FRMD4B: variants seen among roughly 807,000 people sequenced by gnomAD.
The protein encoded by FRMD4B is FERM domain-containing protein 4B.
Under a neutral mutation model 141.5 loss-of-function variants are expected in FRMD4B, and 74 were observed. The ratio of observed to expected loss-of-function variants is 0.52; its 90% CI spans 0.43 to 0.63. The LOEUF is 0.63. Ranked by LOEUF, FRMD4B falls within the 30% of genes least tolerant of loss-of-function variation. FRMD4B has a pLI of 0.00. For synonymous variants in FRMD4B, 506 were observed against 467.9 expected, an observed-to-expected ratio of 1.08 and a Z score of -1.05; for missense variants, 1,366 against 1,253.4, an observed-to-expected ratio of 1.09 and a Z score of -1.36.
chr3:69,402,081 T>G (rs1176677178), intron 2 of FRMD4B, among the ~76,000 whole-genome samples: 4 of 152,244 alleles, frequency 2.6e-5, no homozygotes, highest in African/African-American at 9.6e-5. Flanking sequence ...CTATTTCTCA[T>G]GTCTGCCCAA....
chr3:69,229,936 C>T (rs918070651), intron 7 of FRMD4B, among the ~76,000 whole-genome samples: 1 of 151,830 alleles, frequency 6.6e-6, no homozygotes, highest in Non-Finnish European at 1.5e-5. Context: ...TATCTCTTGA[C>T]CTCATGATCA....
At chr3:69,456,327 C>A (rs958061729) in intron 1 of FRMD4B, among the ~76,000 whole-genome samples, 2 of 152,118 alleles carry the variant, frequency 1.3e-5, no homozygotes, top group African/African-American at 4.8e-5. Flanking sequence ...TCATGCTTAG[C>A]AAAAGACTAA....
chr3:69,541,789 T>TCCAC (rs67274406), intron 1 of FRMD4B, among the ~76,000 whole-genome samples: 1 of 148,306 alleles, frequency 6.7e-6, no homozygotes, highest in Non-Finnish European at 1.5e-5. Flanking sequence ...TCCAGGGATT[T>TCCAC]CCCCCCCCTC....
At chr3:69,449,709 G>C (rs1304801905) in intron 1 of FRMD4B, among the ~76,000 whole-genome samples, 14 of 152,012 alleles carry the variant, frequency 9.2e-5, no homozygotes, top group Non-Finnish European at 5.9e-5. Context: ...TCTTAGTCTT[G>C]TGATTTTTTT....
rs138614123 is a variant in FRMD4B, at chr3:69,462,777, T to G, written c.-128-30016A>C. On this transcript the variant is annotated intron_variant, in intron 1 of 5. Transcript: ENST00000459638. ...CTGCCACAGTCACCAACTGAGGTACTTGTGGCAGGCGATTCCTCCTGGCCT... is the reference window on the plus strand; with the variant it reads ...CTGCCACAGTCACCAACTGAGGTACGTGTGGCAGGCGATTCCTCCTGGCCT... Among the ~76,000 whole-genome samples, 472 of 152,364 alleles carry G rather than the reference T, an allele frequency of 3.1e-3. 11 individuals carry two copies. The East Asian group carries it at 0.065, about 21-fold the overall frequency.
intron 1 of FRMD4B, among the ~76,000 whole-genome samples, chr3:69,370,112 GT>G (rs199752409): frequency 6.2e-4 from 89 of 143,322 alleles, no homozygotes; most frequent in Middle Eastern, 3.6e-3. Context: ...TTTTGTTCCT[GT>G]TTTTTTTTTT....
chr3:69,529,937 C>T (rs1041600573), intron 1 of FRMD4B, among the ~76,000 whole-genome samples: 1 of 152,240 alleles, frequency 6.6e-6, no homozygotes, highest in Non-Finnish European at 1.5e-5. Flanking sequence ...CTACTTGACA[C>T]TGACACTCAA....
At chr3:69,192,112 T>A (rs2092844188) in intron 17 of FRMD4B, among the ~76,000 whole-genome samples, 1 of 152,022 alleles carries the variant, frequency 6.6e-6, no homozygotes, top group Admixed American at 6.6e-5. Context: ...AGGCTGGGCG[T>A]GGTGGCTCAC....
chr3:69,482,142 A>G (rs1378692292), intron 1 of FRMD4B, among the ~76,000 whole-genome samples: 1 of 152,226 alleles, frequency 6.6e-6, no homozygotes, highest in Non-Finnish European at 1.5e-5. Context: ...AGCTTTGCTC[A>G]TGCAAAAGTT....
At chr3:69,458,542 G>A (rs1019611414) in intron 1 of FRMD4B, among the ~76,000 whole-genome samples, 8 of 152,146 alleles carry the variant, frequency 5.3e-5, no homozygotes, top group African/African-American at 1.9e-4. Context: ...ATGGAAGGTG[G>A]ACATTTGATG....
At chr3:69,400,064 C>A (rs1704535254) in intron 2 of FRMD4B, among the ~76,000 whole-genome samples, 1 of 151,968 alleles carries the variant, frequency 6.6e-6, no homozygotes, top group African/African-American at 2.4e-5. Flanking sequence ...TATGAGTGAC[C>A]CTACAAAAGG....
intron 1 of FRMD4B, among the ~76,000 whole-genome samples, chr3:69,463,275 A>T (rs77807148): frequency 0.036 from 5,513 of 152,306 alleles, 277 homozygotes; most frequent in African/African-American, 0.11. Context: ...AATAAATGAC[A>T]ATCGTAGAAT....
At chr3:69,463,588 A>G (rs1484281043) in intron 1 of FRMD4B, among the ~76,000 whole-genome samples, 1 of 152,234 alleles carries the variant, frequency 6.6e-6, no homozygotes, top group African/African-American at 2.4e-5. Context: ...TAGATTAGGA[A>G]ACTAAGTCTC....
chr3:69,257,598 C>T (rs958058612), intron 5 of FRMD4B, among the ~76,000 whole-genome samples: 2 of 152,058 alleles, frequency 1.3e-5, no homozygotes, highest in African/African-American at 4.8e-5. Flanking sequence ...TTATTTCTAC[C>T]TTTATTTTCT....
In FRMD4B at chr3:69,242,478, ATTTTTTTTTTTTTTTTTTTTTTTTTTT is replaced by A. The variant is rs71115667; in HGVS notation, c.581+6721_581+6747del. Among the ~76,000 whole-genome samples the A allele has an allele frequency of 2.9e-4, 16 of 54,598 alleles. No individual in the cohort carries two copies. In the South Asian group the frequency reaches 3.5e-3, roughly 12 times the overall value. The allele number at this position is 54,598 out of a possible 152,430, so 35.8% of individuals were successfully genotyped here. A position where few individuals can be genotyped will look rare whatever the true frequency, so the allele number is the denominator to read the frequency against. On this transcript the variant is annotated intron_variant, in intron 7 of 22. Coordinates refer to ENST00000398540, the MANE Select transcript of FRMD4B (RefSeq NM_015123.3). The stretch of plus-strand genomic sequence containing the variant: ...TTCCTTTCCCATGGGAAATAGCTGC[ATTTTTTTTTTTTTTTTTTTTTTTTTTT>A]TTTTTTTTTTTTTTTTTTGTAGCAC...
intron 5 of FRMD4B, among the ~76,000 whole-genome samples, chr3:69,252,763 C>G (rs2093471250): frequency 6.6e-6 from 1 of 152,154 alleles, no homozygotes; most frequent in African/African-American, 2.4e-5. Context: ...CTTTTACTCT[C>G]AACCATGGCA....
intron 4 of FRMD4B, among the ~76,000 whole-genome samples, chr3:69,300,452 C>T (rs1575706631): frequency 6.6e-6 from 1 of 152,136 alleles, no homozygotes; most frequent in Non-Finnish European, 1.5e-5. Flanking sequence ...AAGCAGCAGG[C>T]CACTCTGGAA....
At chr3:69,206,077 T>C (rs1156497431) in intron 11 of FRMD4B, among the ~76,000 whole-genome samples, 1 of 151,970 alleles carries the variant, frequency 6.6e-6, no homozygotes, top group Non-Finnish European at 1.5e-5. Context: ...CTTGGCCAGG[T>C]GTGGTGGCTC....
intron 11 of FRMD4B, among the ~76,000 whole-genome samples, chr3:69,211,972 G>A (rs577536779): frequency 2.0e-5 from 3 of 151,900 alleles, no homozygotes; most frequent in Non-Finnish European, 2.9e-5. Flanking sequence ...AAAATCCATT[G>A]TCAGATTTTA....
Sources: gnomAD v4.1 joint callset for allele counts (sites outside exome capture counted in the v4.1 genomes callset) on GRCh38, gnomAD v4.1.1 for gene constraint, MANE v1.5 for transcripts, NCBI Gene and HGNC (gene_info 2026-07-23, HGNC 2026-07-21) for gene names.